ADGRB1: variants seen among roughly 807,000 people sequenced by gnomAD.
The protein encoded by ADGRB1 is adhesion G protein-coupled receptor B1.
ADGRB1 carries 36 observed loss-of-function variants against 175.7 expected under a neutral mutation model. The observed-to-expected ratio is 0.20, with a 90% CI of 0.16 to 0.27. The LOEUF (loss-of-function observed/expected upper bound fraction) is 0.27, where lower values mean the gene tolerates loss of function less well. Ranked by LOEUF, ADGRB1 falls within the 10% of genes least tolerant of loss-of-function variation. The pLI, the probability that ADGRB1 is intolerant of heterozygous loss-of-function variation, is 1.00. For missense variants in ADGRB1, 1,731 were observed against 2,255.3 expected (o/e 0.77, Z 4.71); for synonymous variants, 1,054 against 979.4 (o/e 1.08, Z -1.42).
In ADGRB1 at chr8:142,461,989, C is replaced by T. The variant is rs370521630; in HGVS notation, c.-219-1991C>T. Among the ~76,000 whole-genome samples, 53 of 152,142 alleles carry T rather than the reference C, an allele frequency of 3.5e-4. No homozygotes were observed. In the East Asian group the frequency reaches 7.4e-3, roughly 21 times the overall value. The stretch of plus-strand genomic sequence containing the variant: ...TCTGGCTGTGGGACCTGCCCACAGC[C>T]GCTCCCTCTCCATGAGATGGTGAGG... On this transcript the variant is annotated intron_variant, in intron 1 of 30. Coordinates refer to ENST00000517894, the MANE Select transcript of ADGRB1 (RefSeq NM_001702.3).
intron 2 of ADGRB1, among the ~76,000 whole-genome samples, chr8:142,467,106 G>A (rs1840321575): frequency 6.6e-6 from 1 of 152,236 alleles, no homozygotes; most frequent in Non-Finnish European, 1.5e-5. Flanking sequence ...ACTGTGTGAC[G>A]TGGGTGTCGG....
intron 17 of ADGRB1, among the ~76,000 whole-genome samples, chr8:142,501,433 G>T (rs909462278): frequency 1.0e-4 from 15 of 143,864 alleles, no homozygotes; most frequent in Middle Eastern, 3.7e-3. Context: ...GGTGGTGGTA[G>T]TGATGTTTGT....
Position 142,479,420 on chromosome 8 carries a change from C to T in ADGRB1, c.1659C>T (p.Phe553=), listed in dbSNP as rs1259759758. Residue 553 remains phenylalanine (F), a synonymous_variant, in exon 8 of 31, where the codon TTC becomes TTT. Coordinates refer to ENST00000517894, the MANE Select transcript of ADGRB1 (RefSeq NM_001702.3). The part of the protein sequence containing the change: ...QRRERVCSGP[F]FGGAACQGPQ... ...GGGAGCGTGTCTGCTCTGGGCCCTT[C>T]TTCGGGGGAGCAGCCTGCCAGGGCC... The T allele has an allele frequency of 6.5e-7, 1 of 1,548,728 alleles. No individual in the cohort carries two copies. Among genetic ancestry groups the T allele is most frequent in the African/African-American group, 1.4e-5 (1 of 71,548 alleles).
intron 18 of ADGRB1, among the ~76,000 whole-genome samples, chr8:142,517,326 A>G (rs1485779152): frequency 6.6e-6 from 1 of 152,130 alleles, no homozygotes; most frequent in Non-Finnish European, 1.5e-5. Flanking sequence ...GTGAGGAGGA[A>G]GGGCCCACTT....
rs549292718 is a variant in ADGRB1 at position 142,451,888 on chromosome 8, G to C, written c.-220+1784G>C. ...GAGGGAGGTCGAGCCGCTCCCTCCCGTGGGCGGCAGCGAAACTCTGCGCCC... is the reference window on the plus strand; with the variant it reads ...GAGGGAGGTCGAGCCGCTCCCTCCCCTGGGCGGCAGCGAAACTCTGCGCCC... On this transcript the variant is annotated intron_variant, in intron 1 of 30. Transcript: ENST00000517894. Among the ~76,000 whole-genome samples the C allele has an allele frequency of 1.7e-4, 26 of 152,294 alleles. No homozygotes were observed. In the East Asian group the frequency reaches 4.5e-3, roughly 26 times the overall value.
chr8:142,481,589 G>T lies in ADGRB1; in HGVS notation c.2008G>T (p.Val670Leu). 1 of 1,603,474 alleles carries T rather than the reference G, an allele frequency of 6.2e-7. No individual in the cohort carries two copies. The highest frequency in any genetic ancestry group is 8.5e-7 in the Non-Finnish European group (1 of 1,175,190). ...EGVSEVIQTL[V>L]EISQDGTSYS... is the part of the protein sequence containing the mutation. ...GGTCTCGGAGGTCATCCAGACACTG[G>T]TGGAGATCTCTCAGGACGGGACCAG... The change falls in exon 11 of 31, where the codon GTG becomes TTG. Residue 670 changes from valine to leucine, a missense_variant. Physicochemically the swap from Val to Leu is conservative, Grantham distance 32. Transcript: ENST00000517894.
At position 142,504,180 on chromosome 8, in the gene ADGRB1, CA is replaced by C. The variant is rs1325706274; in HGVS notation, c.2676-6751del. Among the ~76,000 whole-genome samples, 1 of 152,214 alleles carries C rather than the reference CA, an allele frequency of 6.6e-6. No homozygotes were observed. Among genetic ancestry groups the C allele is most frequent in the Non-Finnish European group, 1.5e-5 (1 of 68,030 alleles). On this transcript the variant is annotated intron_variant, in intron 17 of 30. Coordinates refer to ENST00000517894, the MANE Select transcript of ADGRB1 (RefSeq NM_001702.3). The surrounding 1 kb of genome is among the most constrained non-coding windows in gnomAD (Gnocchi z 5.6). Reference sequence around the variant, plus strand: ...GAGCTTGGAGGGGCTAGAGCTGACCCAGGCCTGCCCTGGAGAGCCTCACAGA... The same window carrying C: ...GAGCTTGGAGGGGCTAGAGCTGACCCGGCCTGCCCTGGAGAGCCTCACAGA...
intron 17 of ADGRB1, among the ~76,000 whole-genome samples, chr8:142,499,707 G>A (rs1440468491): frequency 6.6e-6 from 1 of 152,236 alleles, no homozygotes. Context: ...GCGTCCCCAT[G>A]CCGCCTTTTA....
At position 142,544,225 on chromosome 8, in the gene ADGRB1, A is replaced by G; in HGVS notation, c.4563A>G (p.Glu1521=). Residue 1521 remains glutamate (E), a synonymous_variant, in exon 31 of 31, where the codon GAA becomes GAG. Coordinates refer to ENST00000517894, the MANE Select transcript of ADGRB1 (RefSeq NM_001702.3). The part of the protein sequence containing the change: ...KEVLGPDSKP[E]KQQTPNKRPW... ...CACCACGGGCCACCCAGCAGCCGGAAAAGCAGCAGACGCCCAACAAGAGGC... is the reference window on the plus strand; with the variant it reads ...CACCACGGGCCACCCAGCAGCCGGAGAAGCAGCAGACGCCCAACAAGAGGC... 2.6e-6 allele frequency: 4 copies of G among 1,548,840 alleles called. No homozygotes were observed. The highest frequency in any genetic ancestry group is 3.5e-6 in the Non-Finnish European group (4 of 1,146,644).
At chr8:142,513,634 G>C (rs549842438) in intron 18 of ADGRB1, among the ~76,000 whole-genome samples, 3 of 152,298 alleles carry the variant, frequency 2.0e-5, no homozygotes, top group Admixed American at 2.0e-4. Context: ...CAGGTGGAAA[G>C]GAGGAAGGCT....
intron 18 of ADGRB1, among the ~76,000 whole-genome samples, chr8:142,515,279 G>A (rs185644637): frequency 6.6e-6 from 1 of 152,354 alleles, no homozygotes; most frequent in African/African-American, 2.4e-5. Flanking sequence ...GGCCCGGCCT[G>A]GCTCTGCCTC....
At chr8:142,477,709 G>C (rs1383142544) in intron 6 of ADGRB1, among the ~76,000 whole-genome samples, 160 bp downstream of exon 6, 1 of 152,224 alleles carries the variant, frequency 6.6e-6, no homozygotes, top group Non-Finnish European at 1.5e-5. Context: ...AGCAGACTGA[G>C]GTGTGACCTT....
intron 1 of ADGRB1, among the ~76,000 whole-genome samples, chr8:142,454,403 G>A (rs1246108693): frequency 6.6e-6 from 1 of 152,208 alleles, no homozygotes; most frequent in Non-Finnish European, 1.5e-5. Flanking sequence ...GTGGGCTCAC[G>A]AGGACATGGG....
At chr8:142,465,641 G>A (rs1271602826) in intron 2 of ADGRB1, among the ~76,000 whole-genome samples, 1 of 152,162 alleles carries the variant, frequency 6.6e-6, no homozygotes, top group Non-Finnish European at 1.5e-5. Context: ...GAGAGAGGAA[G>A]GCCCTAAGCA....
At chr8:142,529,347 T>C (rs1297214362) in intron 24 of ADGRB1, among the ~76,000 whole-genome samples, 1 of 152,150 alleles carries the variant, frequency 6.6e-6, no homozygotes, top group Non-Finnish European at 1.5e-5. Context: ...TGTTTGTGTG[T>C]GTGTGTGTGC....
intron 2 of ADGRB1, among the ~76,000 whole-genome samples, chr8:142,465,567 G>A (rs1840232498): frequency 6.6e-6 from 1 of 152,086 alleles, no homozygotes; most frequent in Non-Finnish European, 1.5e-5. Flanking sequence ...CGCTCTAGGT[G>A]CTGGGGCCAC....
chr8:142,470,610 G>C (rs1201722101), intron 2 of ADGRB1, among the ~76,000 whole-genome samples: 4 of 152,110 alleles, frequency 2.6e-5, no homozygotes, highest in Non-Finnish European at 5.9e-5. Flanking sequence ...GTATATCCCT[G>C]TGTGTCCCTG....
rs550229707 is a variant in ADGRB1, at chr8:142,529,112, G to A, written c.3398+2485G>A. ...CACCCCCGCAGTTCTGTGGTGGGGC[G>A]AGGAGACTGGCCCTGGCCTGCCTGA... On this transcript the variant is annotated intron_variant, in intron 24 of 30. Coordinates refer to ENST00000517894, the MANE Select transcript of ADGRB1 (RefSeq NM_001702.3). Among the ~76,000 whole-genome samples the A allele has an allele frequency of 6.0e-4, 92 of 152,376 alleles. 1 individual carries two copies. In the South Asian group the frequency reaches 0.013, roughly 22 times the overall value.
chr8:142,454,136 C>T (rs945764210), intron 1 of ADGRB1, among the ~76,000 whole-genome samples: 9 of 152,088 alleles, frequency 5.9e-5, no homozygotes, highest in Non-Finnish European at 7.4e-5. Flanking sequence ...CCCCATGGGC[C>T]GCCAGGTCAT....
Sources: allele counts gnomAD v4.1 joint callset (sites outside exome capture counted in the v4.1 genomes callset), GRCh38; gene constraint gnomAD v4.1.1; non-coding constraint Gnocchi (gnomAD v3.1); transcripts MANE v1.5; gene names NCBI Gene and HGNC (gene_info 2026-07-23, HGNC 2026-07-21).